The following FUT8 variants were observed in gnomAD, a reference collection of about 807,000 sequenced individuals.
FUT8 encodes fucosyltransferase 8.
FUT8 carries 29 observed loss-of-function variants against 71.3 expected under a neutral mutation model. The observed-to-expected ratio is 0.41, with a 90% CI of 0.30 to 0.55. FUT8 has a LOEUF of 0.55. Among genes scored for constraint, FUT8 ranks in the 20% least tolerant of loss-of-function variants. The pLI is 0.34. For missense variants in FUT8, 544 were observed against 702.1 expected (o/e 0.77, Z 2.55); for synonymous variants, 254 against 239.3 (o/e 1.06, Z -0.57).
At chr14:65,702,345 C>CAAA (rs71989314) in intron 7 of FUT8, among the ~76,000 whole-genome samples, 8 of 134,950 alleles carry the variant, frequency 5.9e-5, no homozygotes, top group Non-Finnish European at 9.4e-5. Context: ...AACTCCATCT[C>CAAA]AAAAAAAAAA....
At chr14:65,605,424 T>C (rs1888529423) in intron 3 of FUT8, among the ~76,000 whole-genome samples, 1 of 151,930 alleles carries the variant, frequency 6.6e-6, no homozygotes, top group Non-Finnish European at 1.5e-5. Flanking sequence ...TTTAAAGAGA[T>C]GATTAAGTTA....
chr14:65,447,284 A>ACT (rs758081542), intron 1 of FUT8, among the ~76,000 whole-genome samples: 5 of 138,742 alleles, frequency 3.6e-5, no homozygotes, highest in African/African-American at 1.4e-4. Context: ...AGTGAATGAG[A>ACT]CTCTCTCAAA....
chr14:65,361,489 C>T, the FUT8 span, among the ~76,000 whole-genome samples: 67,110 of 151,420 alleles, frequency 0.44, 17,809 homozygotes, highest in Non-Finnish European at 0.6. Context: ...CAGTATTTTA[C>T]ATTAAAAATA....
chr14:65,740,935 T>G (rs1402155220), intron 10 of FUT8, among the ~76,000 whole-genome samples: 1 of 152,002 alleles, frequency 6.6e-6, no homozygotes. Context: ...AGTCCTAAAT[T>G]GCTCCACTGA....
chr14:65,567,323 C>T lies in FUT8; in HGVS notation c.203+5557C>T, dbSNP rs151237970. Among the ~76,000 whole-genome samples the T allele has an allele frequency of 2.0e-3, 311 of 151,990 alleles. 1 individual carries two copies. Among genetic ancestry groups the T allele is most frequent in the Middle Eastern group, 0.014 (4 of 294 alleles). On this transcript the variant is annotated intron_variant, in intron 3 of 10. Transcript: ENST00000673929. The stretch of plus-strand genomic sequence containing the variant: ...CTGAGCTGTGTGTCATCTGCCAATA[C>T]GGGTTACAGACAAAGCACAAATCTT...
intron 6 of FUT8, among the ~76,000 whole-genome samples, chr14:65,633,771 C>A (rs545515230): frequency 1.3e-5 from 2 of 151,366 alleles, no homozygotes; most frequent in African/African-American, 4.9e-5. Flanking sequence ...AAGTGAGGAG[C>A]CCCTCCGCCC....
chr14:65,469,297 T>A (rs1362837267), intron 2 of FUT8, among the ~76,000 whole-genome samples: 2 of 152,218 alleles, frequency 1.3e-5, no homozygotes, highest in Admixed American at 1.3e-4. Flanking sequence ...TTTTTTGCCT[T>A]TATAGTGCCT....
chr14:65,659,585 C>T lies in FUT8; in HGVS notation c.598-9658C>T, dbSNP rs148664269. 3.5e-3 allele frequency among the ~76,000 whole-genome samples: 527 copies of T among 152,118 alleles called. 2 individuals carry two copies. Among genetic ancestry groups the T allele is most frequent in the African/African-American group, 0.012 (498 of 41,524 alleles). On this transcript the variant is annotated intron_variant, in intron 6 of 10. Transcript: ENST00000673929. ...TTACACTTGATCTTAGCCAAAAGGCCGAGAACTGATACTTTATCTTTTTAC... is the reference window on the plus strand; with the variant it reads ...TTACACTTGATCTTAGCCAAAAGGCTGAGAACTGATACTTTATCTTTTTAC...
At chr14:65,542,494 T>G (rs998089476) in intron 2 of FUT8, among the ~76,000 whole-genome samples, 3 of 152,218 alleles carry the variant, frequency 2.0e-5, no homozygotes, top group African/African-American at 7.2e-5. Flanking sequence ...TTTTGTGAGA[T>G]ATATACTCTA....
chr14:65,568,455 T>C (rs1886312346), intron 3 of FUT8, among the ~76,000 whole-genome samples: 1 of 151,716 alleles, frequency 6.6e-6, no homozygotes, highest in Non-Finnish European at 1.5e-5. Context: ...TTCAGTTGTA[T>C]TCCATAAGTT....
At position 65,611,243 on chromosome 14, in the gene FUT8, A is replaced by G. The variant is rs1888938455; in HGVS notation, c.204-4735A>G. Among the ~76,000 whole-genome samples the G allele has an allele frequency of 2.3e-4, 5 of 21,792 alleles. 1 individual carries two copies. Among genetic ancestry groups the G allele is most frequent in the East Asian group, 1.1e-3 (1 of 940 alleles). The allele number at this position is 21,792 out of a possible 152,430, so 14.3% of individuals were successfully genotyped here. A position where few individuals can be genotyped will look rare whatever the true frequency, so the allele number is the denominator to read the frequency against. The stretch of plus-strand genomic sequence containing the variant: ...CGCGCGCACACACACACACACACAC[A>G]CACACACACACACACACACACACAC... On this transcript the variant is annotated intron_variant, in intron 3 of 10. Transcript: ENST00000673929.
At chr14:65,664,122 T>C (rs1026573822) in intron 6 of FUT8, among the ~76,000 whole-genome samples, 4 of 152,108 alleles carry the variant, frequency 2.6e-5, no homozygotes, top group Non-Finnish European at 5.9e-5. Context: ...GAGGGACATT[T>C]TCTTTTTCAT....
At chr14:65,496,405 C>T (rs953475534) in intron 2 of FUT8, among the ~76,000 whole-genome samples, 21 of 152,108 alleles carry the variant, frequency 1.4e-4, no homozygotes, top group African/African-American at 4.8e-4. Context: ...TATGGTTAGA[C>T]TTTGTCTCCT....
chr14:65,437,040 C>T (rs1397515115), intron 1 of FUT8, among the ~76,000 whole-genome samples: 1 of 152,170 alleles, frequency 6.6e-6, no homozygotes. Context: ...CATGAGTGAC[C>T]TTGGGCATCT....
At position 65,669,008 on chromosome 14, in the gene FUT8, GTAGA is replaced by G. The variant is rs1892348645; in HGVS notation, c.598-234_598-231del. 6.6e-6 allele frequency among the ~76,000 whole-genome samples: 1 copy of G among 151,970 alleles called. No homozygotes were observed. The highest frequency in any genetic ancestry group is 2.4e-5 in the African/African-American group (1 of 41,348). ...ACATATAGACACAAATAAGAGAATA[GTAGA>G]CACTGGGGCCTACTTGAGGGTGAAA... On this transcript the variant is annotated intron_variant, in intron 6 of 10. Transcript: ENST00000673929. This position sits in a 1 kb window ranked among gnomAD's most constrained non-coding sequence, Gnocchi z 4.5.
chr14:65,480,776 T>C (rs766813195), intron 2 of FUT8, among the ~76,000 whole-genome samples: 9 of 152,044 alleles, frequency 5.9e-5, no homozygotes, highest in Non-Finnish European at 1.2e-4. Flanking sequence ...AACCACTGCC[T>C]TCTGGGTTCA....
chr14:65,457,554 C>T (rs1214107550), intron 2 of FUT8, among the ~76,000 whole-genome samples: 5 of 152,082 alleles, frequency 3.3e-5, no homozygotes, highest in East Asian at 1.9e-4. Flanking sequence ...CTGGGAGTAT[C>T]GGCAAGCTAC....
At chr14:65,728,561 T>C (rs1442505458) in intron 9 of FUT8, among the ~76,000 whole-genome samples, 4 of 152,378 alleles carry the variant, frequency 2.6e-5, no homozygotes, top group African/African-American at 9.6e-5. Flanking sequence ...ATCCCATTTA[T>C]GTAGTCTCAT....
At chr14:65,530,739 A>G (rs1346618701) in intron 2 of FUT8, among the ~76,000 whole-genome samples, 3 of 151,464 alleles carry the variant, frequency 2.0e-5, no homozygotes, top group Admixed American at 6.6e-5. Flanking sequence ...TTAGTACTTT[A>G]ATGCCCTACT....
Sources: gnomAD v4.1 joint callset for allele counts (sites outside exome capture counted in the v4.1 genomes callset) on GRCh38, gnomAD v4.1.1 for gene constraint, Gnocchi (gnomAD v3.1) non-coding constraint, MANE v1.5 for transcripts, NCBI Gene and HGNC (gene_info 2026-07-23, HGNC 2026-07-21) for gene names.